The following SORCS2 variants were observed in gnomAD, a reference collection of about 807,000 sequenced individuals.
The protein encoded by SORCS2 is sortilin related VPS10 domain containing receptor 2, also known as VPS10 domain-containing receptor SorCS2.
Under a neutral mutation model 141.6 loss-of-function variants are expected in SORCS2, and 100 were observed. The observed-to-expected ratio is 0.71, with a 90% confidence interval of 0.60 to 0.83. SORCS2 has a LOEUF of 0.83. Ranked by LOEUF, SORCS2 falls within the 40% of genes least tolerant of loss-of-function variation. The pLI is 0.00. For missense variants in SORCS2, 1,646 were observed against 1,560.2 expected (o/e 1.05, Z -0.93); for synonymous variants, 789 against 676.9 (o/e 1.17, Z -2.57).
intron 1 of SORCS2, among the ~76,000 whole-genome samples, chr4:7,264,686 G>T (rs1373870164): frequency 1.3e-5 from 2 of 152,214 alleles, no homozygotes; most frequent in African/African-American, 4.8e-5. Context: ...GGGGCATTGG[G>T]TGCTGGGAGC....
At chr4:7,269,962 C>T (rs1024709844) in intron 1 of SORCS2, among the ~76,000 whole-genome samples, 22 of 152,228 alleles carry the variant, frequency 1.4e-4, no homozygotes, top group South Asian at 1.0e-3. Flanking sequence ...TCACTGCAAC[C>T]TCTGCCTCCT....
intron 3 of SORCS2, among the ~76,000 whole-genome samples, chr4:7,580,665 T>C (rs1270986730): frequency 2.0e-5 from 3 of 152,176 alleles, no homozygotes; most frequent in Non-Finnish European, 4.4e-5. Flanking sequence ...GGAGCTACTA[T>C]GGGCAGCAGC....
At chr4:7,595,307 C>T (rs1717191384) in intron 3 of SORCS2, among the ~76,000 whole-genome samples, 1 of 152,200 alleles carries the variant, frequency 6.6e-6, no homozygotes, top group Admixed American at 6.5e-5. Context: ...TCTGTGTTCA[C>T]CAACCCAGAA....
chr4:7,290,127 A>AAGC (rs1716509430), intron 1 of SORCS2, among the ~76,000 whole-genome samples: 1 of 152,130 alleles, frequency 6.6e-6, no homozygotes, highest in Non-Finnish European at 1.5e-5. Context: ...GGCTGGCAGG[A>AAGC]AGCTGATGGC....
At chr4:7,379,600 T>C (rs1722861818) in intron 1 of SORCS2, among the ~76,000 whole-genome samples, 1 of 152,194 alleles carries the variant, frequency 6.6e-6, no homozygotes, top group African/African-American at 2.4e-5. Context: ...GCGGATACTA[T>C]GGGTGTCCAT....
At chr4:7,270,670 A>G (rs189778298) in intron 1 of SORCS2, among the ~76,000 whole-genome samples, 2 of 152,270 alleles carry the variant, frequency 1.3e-5, no homozygotes, top group Admixed American at 1.3e-4. Flanking sequence ...TCCTAGATCC[A>G]TCCGTTGCCC....
At chr4:7,608,465 G>T (rs1718196503) in intron 3 of SORCS2, among the ~76,000 whole-genome samples, 1 of 152,204 alleles carries the variant, frequency 6.6e-6, no homozygotes. Context: ...TGAGCCCCTT[G>T]TTTCCCAGGA....
intron 1 of SORCS2, among the ~76,000 whole-genome samples, chr4:7,336,846 C>G (rs1039397038): frequency 3.3e-5 from 5 of 152,148 alleles, no homozygotes; most frequent in African/African-American, 4.8e-5. Flanking sequence ...AGGCTGTGTC[C>G]CCACGGAGCT....
At chr4:7,509,942 A>T (rs894766025) in intron 2 of SORCS2, among the ~76,000 whole-genome samples, 1 of 152,132 alleles carries the variant, frequency 6.6e-6, no homozygotes, top group African/African-American at 2.4e-5. Flanking sequence ...CTCTCTCAAA[A>T]TACCCCTTTC....
chr4:7,535,481 G>A (rs1372204796), intron 3 of SORCS2, among the ~76,000 whole-genome samples: 1 of 152,236 alleles, frequency 6.6e-6, no homozygotes, highest in African/African-American at 2.4e-5. Flanking sequence ...CCTTGAGCAA[G>A]TGTGAACCGC....
intron 1 of SORCS2, among the ~76,000 whole-genome samples, chr4:7,232,409 C>G (rs577311826): frequency 8.5e-5 from 13 of 152,152 alleles, no homozygotes; most frequent in Non-Finnish European, 1.8e-4. Flanking sequence ...GCCTGGACGC[C>G]GGAGAGCGCT....
In SORCS2 at chr4:7,715,317, T is replaced by C. The variant is rs1315323643; in HGVS notation, c.2252+6T>C. 1 of 1,613,612 alleles carries C rather than the reference T, an allele frequency of 6.2e-7. No individual in the cohort carries two copies. The highest frequency in any genetic ancestry group is 1.3e-5 in the African/African-American group (1 of 74,882). On this transcript the variant is annotated splice_donor_region_variant and intron_variant, in intron 17 of 26. Transcript: ENST00000507866. ...ACCTACACCAGCAGCCTTGGGTGAG[T>C]GTGGGTGCGGGCCTCTCCCTGCCTA...
At chr4:7,472,126 G>A (rs1329277033) in intron 2 of SORCS2, among the ~76,000 whole-genome samples, 1 of 152,248 alleles carries the variant, frequency 6.6e-6, no homozygotes, top group Non-Finnish European at 1.5e-5. Context: ...AGTGCTCTGT[G>A]CTGTTAGCTC....
intron 3 of SORCS2, among the ~76,000 whole-genome samples, chr4:7,601,226 A>G (rs1334221369): frequency 6.6e-6 from 1 of 152,188 alleles, no homozygotes; most frequent in Non-Finnish European, 1.5e-5. Flanking sequence ...AGGATATTTT[A>G]ACTCCAAAAA....
chr4:7,355,860 C>G (rs1721219639), intron 1 of SORCS2, among the ~76,000 whole-genome samples: 1 of 152,240 alleles, frequency 6.6e-6, no homozygotes, highest in African/African-American at 2.4e-5. Flanking sequence ...ATCCAGGAAT[C>G]AAGGGCCATG....
chr4:7,639,406 C>T (rs28840758), intron 4 of SORCS2, among the ~76,000 whole-genome samples: 1,586 of 130,398 alleles, frequency 0.012, 9 homozygotes, highest in African/African-American at 0.016. Flanking sequence ...ATGCTGCCTA[C>T]TGCATAAGTG....
At position 7,193,581 on chromosome 4, in the gene SORCS2, G is replaced by A. The variant is rs1726988410; in HGVS notation, c.480+455G>A. 6.6e-6 allele frequency among the ~76,000 whole-genome samples: 1 copy of A among 152,202 alleles called. No individual in the cohort carries two copies. Among genetic ancestry groups the A allele is most frequent in the African/African-American group, 2.4e-5 (1 of 41,458 alleles). ...CTGGTCTACCAGGGACTCCGCGGTG[G>A]CGCCTCCGCAGGCTCCGGGACTTCC... On this transcript the variant is annotated intron_variant, in intron 1 of 26. Transcript: ENST00000507866. This position sits in a 1 kb window ranked among gnomAD's most constrained non-coding sequence, Gnocchi z 4.8.
chr4:7,456,427 C>G (rs563709792), intron 2 of SORCS2, among the ~76,000 whole-genome samples: 1 of 152,182 alleles, frequency 6.6e-6, no homozygotes, highest in Admixed American at 6.5e-5. Flanking sequence ...GCCCATCCAC[C>G]TTTACATGCA....
intron 8 of SORCS2, among the ~76,000 whole-genome samples, chr4:7,669,023 G>C (rs2108934600): frequency 6.6e-6 from 1 of 152,332 alleles, no homozygotes; most frequent in South Asian, 2.1e-4. Flanking sequence ...TTGAGCGATG[G>C]CTCCCTGGGC....
Sources: gnomAD v4.1 joint callset for allele counts (sites outside exome capture counted in the v4.1 genomes callset) on GRCh38, gnomAD v4.1.1 for gene constraint, Gnocchi (gnomAD v3.1) non-coding constraint, MANE v1.5 for transcripts, NCBI Gene and HGNC (gene_info 2026-07-23, HGNC 2026-07-21) for gene names.